Variants in LRRD1 observed in about 807,000 individuals in gnomAD.
LRRD1 encodes the protein leucine rich repeats and death domain containing 1.
LRRD1 carries 49 observed loss-of-function variants against 69.5 expected under a neutral mutation model. That is an observed-to-expected ratio of 0.70 (90% CI 0.56 to 0.89). The LOEUF is 0.89. Among genes scored for constraint, LRRD1 ranks in the 40% least tolerant of loss-of-function variants. The pLI is 0.00. For synonymous variants in LRRD1, 303 were observed against 338.9 expected (o/e 0.89, Z 1.16); for missense variants, 853 against 956.0 (o/e 0.89, Z 1.42).
intron 1 of LRRD1, among the ~76,000 whole-genome samples, chr7:92,172,638 G>A (rs546516453): frequency 6.6e-6 from 1 of 151,902 alleles, no homozygotes; most frequent in African/African-American, 2.4e-5. Flanking sequence ...AACCAAAGAA[G>A]TGAAAGATCT....
rs4729022 is a variant in LRRD1, at chr7:92,173,000, T to C, written c.-75+6007A>G. On this transcript the variant is annotated intron_variant, in intron 1 of 5. Coordinates refer to ENST00000458448, the MANE Select transcript of LRRD1 (RefSeq NM_001161528.2). ...TGATACTGGCATAAAAACAGACACA[T>C]AGACCAATGGAATAGAATACAAAAC... Among the ~76,000 whole-genome samples, 4,047 of 152,148 alleles carry C rather than the reference T, an allele frequency of 0.027. 360 individuals are homozygous for C. The East Asian group carries it at 0.35, about 13-fold the overall frequency.
intron 5 of LRRD1, 91 bp from the exon 6 acceptor site, chr7:92,145,165 A>G: frequency 1.4e-6 from 1 of 711,344 alleles, no homozygotes; most frequent in Non-Finnish European, 1.9e-6. Flanking sequence ...TTGTCAATTA[A>G]GAACATTGCT....
intron 1 of LRRD1, among the ~76,000 whole-genome samples, chr7:92,171,812 T>A (rs1178421333): frequency 6.6e-6 from 1 of 152,230 alleles, no homozygotes; most frequent in Non-Finnish European, 1.5e-5. Context: ...AGGAAGATTA[T>A]TTACTATGAT....
intron 4 of LRRD1, among the ~76,000 whole-genome samples, chr7:92,148,419 A>T (rs1162107659): frequency 6.6e-6 from 1 of 152,128 alleles, no homozygotes; most frequent in Non-Finnish European, 1.5e-5. Flanking sequence ...GTGATCAAAT[A>T]TGTTCTATTT....
At chr7:92,171,955 A>C (rs1398604028) in intron 1 of LRRD1, among the ~76,000 whole-genome samples, 1 of 152,188 alleles carries the variant, frequency 6.6e-6, no homozygotes, top group East Asian at 1.9e-4. Context: ...AAAAACATTC[A>C]ATAAAATTCA....
rs898447906 is a variant in LRRD1 at position 92,158,945 on chromosome 7, C to A, written c.2116+60G>T. The A allele has an allele frequency of 5.8e-6, 8 of 1,379,008 alleles. No homozygotes were observed. The African/African-American group carries it at 1.1e-4, about 18-fold the overall frequency. The allele number at this position is 1,379,008 out of a possible 1,614,324, so 85.4% of individuals were successfully genotyped here. On this transcript the variant is annotated intron_variant, in intron 3 of 5. Coordinates refer to ENST00000458448, the MANE Select transcript of LRRD1 (RefSeq NM_001161528.2). ...TTCTGTATCTTGTCAGCAAAATTTG[C>A]AACTCAGACATTAATACTCTACTTA... is the stretch of plus-strand genomic sequence containing the variant.
In LRRD1 at chr7:92,144,984, T is replaced by A; in HGVS notation, c.2487A>T (p.Arg829Ser). 1 of 1,544,930 alleles carries A rather than the reference T, an allele frequency of 6.5e-7. No homozygotes were observed. Among genetic ancestry groups the A allele is most frequent in the Non-Finnish European group, 8.8e-7 (1 of 1,142,670 alleles). The change falls in exon 6 of 6, where the codon AGA becomes AGT. Residue 829 changes from arginine (R) to serine (S), a missense_variant. Physicochemically the swap from Arg to Ser is moderately radical, Grantham distance 110. Coordinates refer to ENST00000458448, the MANE Select transcript of LRRD1 (RefSeq NM_001161528.2). Reference sequence around the variant, plus strand: ...TAGTTAGTGCTCGAATTAGTTGATCTCTTAAAGCAGCAGCAGTTAGTGATA... The same window carrying A: ...TAGTTAGTGCTCGAATTAGTTGATCACTTAAAGCAGCAGCAGTTAGTGATA... Reference protein sequence around the residue: ...NKLSLTAAALRDQLIRALTMI... With the variant: ...NKLSLTAAALSDQLIRALTMI...
downstream of LRRD1, among the ~76,000 whole-genome samples, chr7:92,143,606 C>T: frequency 6.6e-6 from 1 of 152,140 alleles, no homozygotes; most frequent in African/African-American, 2.4e-5. Flanking sequence ...GCTGGGCTGG[C>T]CGGCCGCTCC....
intron 1 of LRRD1, among the ~76,000 whole-genome samples, chr7:92,176,837 A>G (rs1789208688): frequency 6.6e-6 from 1 of 151,886 alleles, no homozygotes. Context: ...TGCTGAGATT[A>G]CAGGTGTAAG....
At chr7:92,178,683 AATAC>A (rs947513346) in intron 1 of LRRD1, among the ~76,000 whole-genome samples, 3 of 152,182 alleles carry the variant, frequency 2.0e-5, no homozygotes, top group African/African-American at 4.8e-5. Flanking sequence ...AAAATAAATA[AATAC>A]ATACATACAT....
chr7:92,150,806 CA>C, intron 3 of LRRD1, 111 bp from the exon 4 acceptor site: 1 of 712,944 alleles, frequency 1.4e-6, no homozygotes, highest in Non-Finnish European at 2.2e-6. Flanking sequence ...CCTCACAATG[CA>C]GCAGGTCATA....
chr7:92,158,385 A>T (rs1240275772), intron 3 of LRRD1, among the ~76,000 whole-genome samples: 1 of 152,028 alleles, frequency 6.6e-6, no homozygotes, highest in East Asian at 1.9e-4. Flanking sequence ...ACAAACAGAT[A>T]AATATATATG....
At chr7:92,157,600 C>T (rs1480985262) in intron 3 of LRRD1, among the ~76,000 whole-genome samples, 2 of 150,606 alleles carry the variant, frequency 1.3e-5, no homozygotes, top group African/African-American at 4.9e-5. Context: ...GACAGAGTCT[C>T]ACTCTGTCGC....
Position 92,161,734 on chromosome 7 carries a change from G to A in LRRD1, c.1917+1552C>T, listed in dbSNP as rs544534478. ...GCCTGGCAGGTTTAAAAGAAAAACT[G>A]GCATCACAAACAGAAATGGAGAAGT... On this transcript the variant is annotated intron_variant, in intron 2 of 5. Coordinates refer to ENST00000458448, the MANE Select transcript of LRRD1 (RefSeq NM_001161528.2). 3.3e-5 allele frequency among the ~76,000 whole-genome samples: 5 copies of A among 152,234 alleles called. 1 individual carries two copies. The highest frequency in any genetic ancestry group is 1.2e-4 in the African/African-American group (5 of 41,550).
chr7:92,172,792 T>C (rs1789085076), intron 1 of LRRD1, among the ~76,000 whole-genome samples: 1 of 151,970 alleles, frequency 6.6e-6, no homozygotes, highest in African/African-American at 2.4e-5. Context: ...TTCAATTCAA[T>C]CTCTATCAAA....
intron 3 of LRRD1, among the ~76,000 whole-genome samples, chr7:92,151,462 G>T (rs1026950225): frequency 6.6e-6 from 1 of 152,168 alleles, no homozygotes; most frequent in Non-Finnish European, 1.5e-5. Context: ...CATCACTAAT[G>T]ATGTTAAATT....
intron 2 of LRRD1, among the ~76,000 whole-genome samples, chr7:92,159,983 A>G (rs756721477): frequency 4.6e-5 from 7 of 152,150 alleles, no homozygotes; most frequent in Non-Finnish European, 1.0e-4. Flanking sequence ...CATGATACAC[A>G]TGTTTTATAC....
rs982338315 is a variant in LRRD1, at chr7:92,176,782, C to T, written c.-75+2225G>A. Among the ~76,000 whole-genome samples the T allele has an allele frequency of 3.3e-5, 5 of 151,866 alleles. No individual in the cohort carries two copies. The East Asian group carries it at 7.8e-4, about 24-fold the overall frequency. On this transcript the variant is annotated intron_variant, in intron 1 of 5. Coordinates refer to ENST00000458448, the MANE Select transcript of LRRD1 (RefSeq NM_001161528.2). The stretch of plus-strand genomic sequence containing the variant: ...TTCTGCATGTTAGTCAGGCTGGTCT[C>T]GAACTCCTGACCTCAGGTGATCCAC...
At chr7:92,150,760 C>A in intron 3 of LRRD1, 65 bp from the exon 4 acceptor site, 1 of 1,205,554 alleles carries the variant, frequency 8.3e-7, no homozygotes, top group Admixed American at 2.3e-5. Context: ...AGACAAATAA[C>A]ATCTGTTATG....
Sources: gnomAD v4.1 joint callset for allele counts (sites outside exome capture counted in the v4.1 genomes callset) on GRCh38, gnomAD v4.1.1 for gene constraint, MANE v1.5 for transcripts, NCBI Gene and HGNC (gene_info 2026-07-23, HGNC 2026-07-21) for gene names.